Variants in CALN1 observed in about 807,000 individuals in gnomAD.
CALN1 encodes the protein calcium-binding protein 8.
In CALN1, 17 loss-of-function variants were observed where a neutral mutation model predicts 30.6. The ratio of observed to expected loss-of-function variants is 0.56; its 90% CI spans 0.38 to 0.83. CALN1 has a LOEUF of 0.83. Among genes scored for constraint, CALN1 ranks in the 40% least tolerant of loss-of-function variants. CALN1 has a pLI of 0.00. For missense variants in CALN1, 291 were observed against 354.9 expected (o/e 0.82, Z 1.45); for synonymous variants, 156 against 131.4 (o/e 1.19, Z -1.28).
At chr7:72,336,653 G>A (rs922731348) in intron 2 of CALN1, 56 of 978,620 alleles carry the variant, frequency 5.7e-5, no homozygotes, top group Non-Finnish European at 6.4e-5. Context: ...GAGGGAAGAA[G>A]AAAAGAGAGC....
intron 5 of CALN1, among the ~76,000 whole-genome samples, chr7:71,987,043 T>C (rs778959203): frequency 1.6e-4 from 24 of 151,938 alleles, no homozygotes; most frequent in Non-Finnish European, 2.2e-4. Context: ...GGAGAATCAC[T>C]TGAACCTGGG....
rs1055648716 is a variant in CALN1, at chr7:72,405,154, C to T, written c.-73-1712G>A. ...AGGGTGTTATGTCCTGCGATTGGGC[C>T]GGCACTTCCCAAGGGTTGGGATCTC... is the stretch of plus-strand genomic sequence containing the variant. On this transcript the variant is annotated intron_variant, in intron 1 of 6. Transcript: ENST00000395275. 1.3e-4 allele frequency among the ~76,000 whole-genome samples: 20 copies of T among 152,196 alleles called. No homozygotes were observed. The South Asian group carries it at 2.3e-3, about 17-fold the overall frequency.
intron 2 of CALN1, among the ~76,000 whole-genome samples, chr7:72,381,638 G>C (rs1035880524): frequency 5.3e-5 from 8 of 152,162 alleles, no homozygotes; most frequent in Non-Finnish European, 1.0e-4. Flanking sequence ...CTCATAAGCG[G>C]GAGCTGAATA....
At position 72,217,092 on chromosome 7, in the gene CALN1, G is replaced by GA. The variant is rs1423166070; in HGVS notation, c.244+61593dup. Among the ~76,000 whole-genome samples the GA allele has an allele frequency of 1.7e-4, 26 of 152,266 alleles. No homozygotes were observed. The South Asian group carries it at 1.9e-3, about 11-fold the overall frequency. ...TGACAAGATGTTAAGAGGCAATAGA[G>GA]AAAATACAAGAAAGGATTAAGAAAA... On this transcript the variant is annotated intron_variant, in intron 3 of 6. Transcript: ENST00000395275.
At chr7:72,253,572 G>T (rs1000780340) in intron 3 of CALN1, among the ~76,000 whole-genome samples, 2 of 152,144 alleles carry the variant, frequency 1.3e-5, no homozygotes, top group African/African-American at 4.8e-5. Flanking sequence ...GAACGTGCAG[G>T]AGAAACTGTC....
intron 5 of CALN1, among the ~76,000 whole-genome samples, chr7:71,950,921 A>G (rs1345158926): frequency 1.3e-5 from 2 of 152,148 alleles, no homozygotes; most frequent in African/African-American, 4.8e-5. Context: ...CCACCCTGTC[A>G]TTCCTTTCCT....
chr7:72,253,008 G>C (rs1247237274), intron 3 of CALN1, among the ~76,000 whole-genome samples: 6 of 152,168 alleles, frequency 3.9e-5, no homozygotes, highest in Non-Finnish European at 7.3e-5. Flanking sequence ...ATTTTTACAA[G>C]TGGGGAAACT....
chr7:72,302,995 C>G (rs1342481597), intron 2 of CALN1, among the ~76,000 whole-genome samples: 2 of 150,094 alleles, frequency 1.3e-5, no homozygotes, highest in African/African-American at 4.9e-5. Context: ...ATCCCTTGAG[C>G]CCAGGAGTTC....
the CALN1 span, among the ~76,000 whole-genome samples, chr7:72,456,482 G>T: frequency 6.6e-6 from 1 of 152,106 alleles, no homozygotes; most frequent in Non-Finnish European, 1.5e-5. Flanking sequence ...AGACTGCAGT[G>T]AACTATGACT....
chr7:71,852,740 C>T (rs2116601770), intron 5 of CALN1, among the ~76,000 whole-genome samples: 1 of 152,268 alleles, frequency 6.6e-6, no homozygotes, highest in East Asian at 1.9e-4. Flanking sequence ...GTCTTTTCAG[C>T]TTAACTTTTT....
chr7:71,925,942 C>T (rs1795248478), intron 5 of CALN1, among the ~76,000 whole-genome samples: 1 of 152,202 alleles, frequency 6.6e-6, no homozygotes, highest in Non-Finnish European at 1.5e-5. Flanking sequence ...CAACCTCTGC[C>T]TCCTGGGTTT....
intron 5 of CALN1, among the ~76,000 whole-genome samples, chr7:71,814,834 C>CT (rs201392659): frequency 0.011 from 1,506 of 142,204 alleles, 25 homozygotes; most frequent in Admixed American, 0.051. Flanking sequence ...AGTTAATCAA[C>CT]TTTTTTTTTT....
At chr7:71,975,782 T>G (rs1177403145) in intron 5 of CALN1, among the ~76,000 whole-genome samples, 3 of 151,240 alleles carry the variant, frequency 2.0e-5, no homozygotes, top group Non-Finnish European at 3.0e-5. Flanking sequence ...TTTTTAACCA[T>G]GAAGACCCAT....
chr7:72,390,749 T>G (rs1351639963), intron 2 of CALN1, among the ~76,000 whole-genome samples: 2 of 152,230 alleles, frequency 1.3e-5, no homozygotes, highest in African/African-American at 4.8e-5. Flanking sequence ...ATTATGATTA[T>G]TATATCTACC....
intron 3 of CALN1, among the ~76,000 whole-genome samples, chr7:72,249,459 G>A (rs1270004699): frequency 6.6e-6 from 1 of 151,916 alleles, no homozygotes; most frequent in Non-Finnish European, 1.5e-5. Context: ...ACTAGCCCAG[G>A]CAAGAAGGCA....
the CALN1 span, among the ~76,000 whole-genome samples, chr7:72,499,825 CCTTCTTTCTTTCTTT>C: frequency 1.5e-5 from 1 of 66,088 alleles, no homozygotes; most frequent in Non-Finnish European, 2.7e-5. Flanking sequence ...TTCCTTCCTT[CCTTCTTTCTTTCTTT>C]CTTTCTTTCT....
At chr7:72,044,462 C>T (rs73369843) in intron 4 of CALN1, among the ~76,000 whole-genome samples, 9,547 of 152,016 alleles carry the variant, frequency 0.063, 703 homozygotes, top group African/African-American at 0.16. Flanking sequence ...ACACACCTCT[C>T]TCAGGGATCC....
intron 5 of CALN1, among the ~76,000 whole-genome samples, chr7:71,839,235 C>T (rs528677092): frequency 1.3e-5 from 2 of 152,262 alleles, no homozygotes; most frequent in South Asian, 4.1e-4. Context: ...ATCTTGTAAC[C>T]GTCATGAAAA....
At chr7:72,329,430 A>T (rs1396782336) in intron 2 of CALN1, among the ~76,000 whole-genome samples, 1 of 152,190 alleles carries the variant, frequency 6.6e-6, no homozygotes, top group African/African-American at 2.4e-5. Context: ...TACTGAACTC[A>T]GTATCAAACC....
Sources: allele counts gnomAD v4.1 joint callset (sites outside exome capture counted in the v4.1 genomes callset), GRCh38; gene constraint gnomAD v4.1.1; transcripts MANE v1.5; gene names NCBI Gene and HGNC (gene_info 2026-07-23, HGNC 2026-07-21).